The following DLC1 variants were observed in gnomAD, a reference collection of about 807,000 sequenced individuals.
DLC1 encodes the protein rho GTPase-activating protein 7.
DLC1 carries 54 observed loss-of-function variants against 140.3 expected under a neutral mutation model. The observed-to-expected ratio is 0.38, with a 90% CI of 0.31 to 0.48. The LOEUF is 0.48. Among genes scored for constraint, DLC1 ranks in the 20% least tolerant of loss-of-function variants. The pLI, the probability that DLC1 is intolerant of heterozygous loss-of-function variation, is 0.96. For missense variants in DLC1, 2,536 were observed against 1,907.0 expected (o/e 1.33, Z -6.14); for synonymous variants, 986 against 728.1 (o/e 1.35, Z -5.70).
chr8:13,599,162 A>G (rs77634282), intron 1 of DLC1, among the ~76,000 whole-genome samples: 1,522 of 151,912 alleles, frequency 0.01, 10 homozygotes, highest in Middle Eastern at 0.027. Flanking sequence ...ATAAAAATAT[A>G]CCCCTGACAT....
At chr8:13,589,890 GA>G (rs886760204) in intron 1 of DLC1, among the ~76,000 whole-genome samples, 4 of 150,708 alleles carry the variant, frequency 2.7e-5, no homozygotes, top group South Asian at 2.1e-4. Context: ...TAGTGTTTTG[GA>G]AAAAAAAGGC....
At chr8:13,367,202 T>A (rs1372857540) in intron 4 of DLC1, among the ~76,000 whole-genome samples, 1 of 152,186 alleles carries the variant, frequency 6.6e-6, no homozygotes. Flanking sequence ...CTGTCATACC[T>A]TGGGTCTTGC....
chr8:13,476,280 A>G (rs1800429434), intron 2 of DLC1, among the ~76,000 whole-genome samples: 1 of 152,222 alleles, frequency 6.6e-6, no homozygotes, highest in Non-Finnish European at 1.5e-5. Context: ...TTAAATCATT[A>G]TACTAATTAT....
At chr8:13,294,156 T>C (rs1831862282) in intron 5 of DLC1, among the ~76,000 whole-genome samples, 1 of 152,214 alleles carries the variant, frequency 6.6e-6, no homozygotes, top group Non-Finnish European at 1.5e-5. Context: ...CTTTTGACTG[T>C]TTCCATAGTT....
At chr8:13,551,552 T>A (rs1453450022) in intron 1 of DLC1, among the ~76,000 whole-genome samples, 1 of 152,044 alleles carries the variant, frequency 6.6e-6, no homozygotes, top group Non-Finnish European at 1.5e-5. Flanking sequence ...GCAGTGTTAC[T>A]AAGGTGCATT....
chr8:13,188,138 C>T (rs1473700054), intron 5 of DLC1, among the ~76,000 whole-genome samples: 5 of 132,892 alleles, frequency 3.8e-5, no homozygotes, highest in Non-Finnish European at 1.5e-5. Context: ...GGCTGGAGTG[C>T]AATGGTGCAA....
At chr8:13,124,809 A>G (rs1272502513) in intron 5 of DLC1, among the ~76,000 whole-genome samples, 2 of 152,212 alleles carry the variant, frequency 1.3e-5, no homozygotes, top group East Asian at 1.9e-4. Flanking sequence ...AAAGGGTTCC[A>G]TGCCCGCTGT....
chr8:13,440,790 G>A (rs573600869), intron 2 of DLC1, among the ~76,000 whole-genome samples: 39 of 152,184 alleles, frequency 2.6e-4, no homozygotes, highest in African/African-American at 9.2e-4. Flanking sequence ...AGGGGATTCT[G>A]CATTTGCTTC....
At chr8:13,549,082 A>G (rs924551465) in intron 1 of DLC1, among the ~76,000 whole-genome samples, 1 of 152,068 alleles carries the variant, frequency 6.6e-6, no homozygotes, top group Non-Finnish European at 1.5e-5. Flanking sequence ...TCAGGAAATG[A>G]GTCTCCACCT....
intron 5 of DLC1, among the ~76,000 whole-genome samples, chr8:13,147,055 T>C (rs1364203121): frequency 6.6e-6 from 1 of 152,220 alleles, no homozygotes; most frequent in Non-Finnish European, 1.5e-5. Context: ...TATATATTTT[T>C]CTTCATTTGC....
chr8:13,147,892 G>A (rs149904946), intron 5 of DLC1, among the ~76,000 whole-genome samples: 255 of 152,246 alleles, frequency 1.7e-3, no homozygotes, highest in African/African-American at 5.4e-3. Flanking sequence ...GGAGACTGAG[G>A]CAGGAGAATG....
intron 5 of DLC1, among the ~76,000 whole-genome samples, chr8:13,134,937 CAAAGGCT>C (rs1822437859): frequency 6.6e-6 from 1 of 152,102 alleles, no homozygotes; most frequent in Non-Finnish European, 1.5e-5. Flanking sequence ...GCTGAGGGTG[CAAAGGCT>C]ACAGCCTGGT....
intron 2 of DLC1, among the ~76,000 whole-genome samples, chr8:13,458,598 C>G (rs951911772): frequency 6.6e-6 from 1 of 152,168 alleles, no homozygotes; most frequent in African/African-American, 2.4e-5. Context: ...TGTCTAAAAA[C>G]AGTCATCTGA....
chr8:13,192,365 C>T (rs997449982), intron 5 of DLC1, among the ~76,000 whole-genome samples: 1 of 152,122 alleles, frequency 6.6e-6, no homozygotes, highest in Non-Finnish European at 1.5e-5. Context: ...ATACAAAATT[C>T]ATGATGAAAG....
At position 13,499,034 on chromosome 8, in the gene DLC1, G is replaced by A. The variant is rs746986697; in HGVS notation, c.1023+15C>T. 2.5e-6 allele frequency: 4 copies of A among 1,589,206 alleles called. No homozygotes were observed. Among genetic ancestry groups the A allele is most frequent in the Non-Finnish European group, 3.4e-6 (4 of 1,170,356 alleles). ...CAAAATTTCAAAAGCCAGAGAATCT[G>A]TGCATATGTCTTACCTTTCTCTTAC... On this transcript the variant is annotated intron_variant, in intron 2 of 17. Coordinates refer to ENST00000276297, the MANE Select transcript of DLC1 (RefSeq NM_182643.3).
At chr8:13,193,316 G>A (rs1826865375) in intron 5 of DLC1, among the ~76,000 whole-genome samples, 1 of 152,100 alleles carries the variant, frequency 6.6e-6, no homozygotes, top group Admixed American at 6.5e-5. Context: ...ATTATCAAAT[G>A]TTAGAAAAAA....
At chr8:13,093,505 C>T (rs1818259182) in intron 12 of DLC1, among the ~76,000 whole-genome samples, 2 of 152,058 alleles carry the variant, frequency 1.3e-5, no homozygotes, top group African/African-American at 2.4e-5. Context: ...TATAAAAATG[C>T]AAATAAACCC....
intron 2 of DLC1, among the ~76,000 whole-genome samples, chr8:13,416,550 C>T (rs965404920): frequency 1.4e-4 from 21 of 152,208 alleles, no homozygotes; most frequent in African/African-American, 5.1e-4. Flanking sequence ...GAGAGATTCC[C>T]ACCTATTCTG....
intron 1 of DLC1, among the ~76,000 whole-genome samples, chr8:13,572,225 G>A (rs1804683503): frequency 6.6e-6 from 1 of 151,858 alleles, no homozygotes; most frequent in Non-Finnish European, 1.5e-5. Flanking sequence ...AAGCAGCTGG[G>A]ACTACAGGTG....
Sources: allele counts gnomAD v4.1 joint callset (sites outside exome capture counted in the v4.1 genomes callset), GRCh38; gene constraint gnomAD v4.1.1; transcripts MANE v1.5; gene names NCBI Gene and HGNC (gene_info 2026-07-23, HGNC 2026-07-21).